Variants in MAP2 observed in about 807,000 individuals in gnomAD.
MAP2 encodes microtubule associated protein 2, also known as microtubule-associated protein 2.
A neutral mutation model predicts 137.6 loss-of-function variants in MAP2; 14 were observed. The observed-to-expected ratio is 0.10, with a 90% CI of 0.07 to 0.16. MAP2 has a LOEUF of 0.16. Among genes scored for constraint, MAP2 ranks in the 10% least tolerant of loss-of-function variants. The pLI, the probability that MAP2 is intolerant of heterozygous loss-of-function variation, is 1.00. For missense variants in MAP2, 2,088 were observed against 2,191.5 expected (o/e 0.95, Z 0.94); for synonymous variants, 786 against 782.3 (o/e 1.00, Z -0.08).
chr2:209,643,385 C>A (rs1419879682), intron 4 of MAP2, among the ~76,000 whole-genome samples: 1 of 152,102 alleles, frequency 6.6e-6, no homozygotes, highest in East Asian at 1.9e-4. Context: ...AGGGAAAGTT[C>A]TATTCTTCTT....
At chr2:209,620,437 G>T (rs1206807290) in intron 3 of MAP2, among the ~76,000 whole-genome samples, 1 of 152,144 alleles carries the variant, frequency 6.6e-6, no homozygotes, top group Non-Finnish European at 1.5e-5. Context: ...ATTATATTTT[G>T]AAATAAGTTT....
chr2:209,575,055 T>C (rs2153382238), intron 2 of MAP2, among the ~76,000 whole-genome samples: 1 of 152,322 alleles, frequency 6.6e-6, no homozygotes, highest in Admixed American at 6.5e-5. Context: ...TTTAGCACAT[T>C]TTAATACCAA....
At chr2:209,632,419 C>A (rs2093166855) in intron 4 of MAP2, among the ~76,000 whole-genome samples, 1 of 151,958 alleles carries the variant, frequency 6.6e-6, no homozygotes. Context: ...TATCATGAAC[C>A]AAGGTTGTTA....
At chr2:209,490,708 C>T (rs1394831458) in intron 1 of MAP2, among the ~76,000 whole-genome samples, 1 of 147,290 alleles carries the variant, frequency 6.8e-6, no homozygotes, top group Admixed American at 6.9e-5. Context: ...CAAAGAAGGA[C>T]ATTACGTAAT....
In MAP2 at chr2:209,693,705, T is replaced by C. The variant is rs746123984; in HGVS notation, c.1535T>C (p.Met512Thr). Residue 512 changes from methionine to threonine, a missense_variant, in exon 8 of 16, where the codon ATG becomes ACG. By Grantham distance (81) the Met-to-Thr change is moderately conservative. Coordinates refer to ENST00000682079, the MANE Select transcript of MAP2 (RefSeq NM_001375505.1). The part of the protein sequence containing the change: ...SLEQAVTDSA[M>T]TSKTLEKAMT... ...GAGCAAGCAGTTACAGATTCAGCCATGACCTCTAAAACACTGGAGAAAGCC... is the reference window on the plus strand; with the variant it reads ...GAGCAAGCAGTTACAGATTCAGCCACGACCTCTAAAACACTGGAGAAAGCC... 179 of 1,613,380 alleles carry C rather than the reference T, an allele frequency of 1.1e-4. No individual in the cohort carries two copies. The highest frequency in any genetic ancestry group is 1.4e-4 in the Non-Finnish European group (169 of 1,179,884).
intron 5 of MAP2, among the ~76,000 whole-genome samples, chr2:209,669,310 T>G (rs780513638): frequency 6.6e-6 from 1 of 152,082 alleles, no homozygotes; most frequent in Non-Finnish European, 1.5e-5. Context: ...CTGATGTATT[T>G]TGAACAAAGT....
intron 2 of MAP2, among the ~76,000 whole-genome samples, chr2:209,530,811 CA>C (rs774222335): frequency 3.9e-5 from 6 of 152,110 alleles, no homozygotes; most frequent in Non-Finnish European, 5.9e-5. Context: ...CTCCAGGTCA[CA>C]TAGATAATAA....
chr2:209,501,467 G>C (rs1447413862), intron 1 of MAP2, among the ~76,000 whole-genome samples: 2 of 152,104 alleles, frequency 1.3e-5, no homozygotes, highest in Non-Finnish European at 2.9e-5. Context: ...TGTGGCAAGG[G>C]GGAAGAAGAG....
chr2:209,527,488 G>T (rs1402001149), intron 2 of MAP2, among the ~76,000 whole-genome samples: 1 of 152,028 alleles, frequency 6.6e-6, no homozygotes, highest in Non-Finnish European at 1.5e-5. Flanking sequence ...CCTCGCAGCC[G>T]TGTACTCCGC....
At chr2:209,552,877 A>G (rs978533000) in intron 2 of MAP2, among the ~76,000 whole-genome samples, 1 of 152,152 alleles carries the variant, frequency 6.6e-6, no homozygotes, top group African/African-American at 2.4e-5. Context: ...AAAAGAAAAA[A>G]GAAAAATACT....
intron 1 of MAP2, among the ~76,000 whole-genome samples, chr2:209,431,415 A>C (rs992800066): frequency 7.9e-5 from 12 of 152,174 alleles, no homozygotes; most frequent in African/African-American, 2.4e-4. Context: ...ATTATTTTTT[A>C]CATTTACAAA....
chr2:209,444,420 T>C (rs1698552859), intron 1 of MAP2, among the ~76,000 whole-genome samples: 2 of 151,602 alleles, frequency 1.3e-5, no homozygotes, highest in Admixed American at 1.3e-4. Context: ...ATTAAAAGTC[T>C]TGTATGACAA....
At chr2:209,456,838 A>G (rs1390854702) in intron 1 of MAP2, among the ~76,000 whole-genome samples, 6 of 152,352 alleles carry the variant, frequency 3.9e-5, no homozygotes, top group Non-Finnish European at 5.9e-5. Flanking sequence ...CTCCATGTAA[A>G]TCACATTCAA....
At position 209,692,920 on chromosome 2, in the gene MAP2, T is replaced by C. The variant is rs748335580; in HGVS notation, c.750T>C (p.Ile250=). 2.5e-6 allele frequency: 4 copies of C among 1,614,126 alleles called. No homozygotes were observed. Among genetic ancestry groups the C allele is most frequent in the Non-Finnish European group, 3.4e-6 (4 of 1,179,992 alleles). ...AACCAAGCCTTGTAGTACCTGGCAT[T>C]GACCTCCCTAAAGAGCCTCCAACTC... ...KTEPSLVVPG[I]DLPKEPPTPK... is the part of the protein sequence containing the mutation. The change falls in exon 8 of 16, where the codon ATT becomes ATC. Residue 250 remains isoleucine, a synonymous_variant. Transcript: ENST00000682079.
chr2:209,506,005 T>G (rs1381126221), intron 1 of MAP2, among the ~76,000 whole-genome samples: 1 of 151,872 alleles, frequency 6.6e-6, no homozygotes, highest in Non-Finnish European at 1.5e-5. Flanking sequence ...AGAAAACATT[T>G]CACCATTCCC....
At chr2:209,489,480 A>G (rs2058805466) in intron 1 of MAP2, among the ~76,000 whole-genome samples, 1 of 152,188 alleles carries the variant, frequency 6.6e-6, no homozygotes, top group Non-Finnish European at 1.5e-5. Context: ...AAGGTGGGTA[A>G]TAGCAAACTC....
At chr2:209,628,428 G>A (rs930036623) in intron 4 of MAP2, among the ~76,000 whole-genome samples, 2 of 152,112 alleles carry the variant, frequency 1.3e-5, no homozygotes, top group African/African-American at 4.8e-5. Context: ...ATCTCTTTAA[G>A]ACTCAGAGTA....
chr2:209,427,112 A>G (rs1357496419), intron 1 of MAP2, among the ~76,000 whole-genome samples: 2 of 152,214 alleles, frequency 1.3e-5, no homozygotes, highest in East Asian at 1.9e-4. Flanking sequence ...GAGACTGACC[A>G]TATGAAACTG....
intron 14 of MAP2, among the ~76,000 whole-genome samples, chr2:209,726,714 T>C (rs1289037377): frequency 6.6e-6 from 1 of 152,170 alleles, no homozygotes; most frequent in African/African-American, 2.4e-5. Flanking sequence ...CAGCAAGCTA[T>C]GATCACACCA....
Sources: gnomAD v4.1 joint callset for allele counts (sites outside exome capture counted in the v4.1 genomes callset) on GRCh38, gnomAD v4.1.1 for gene constraint, MANE v1.5 for transcripts, NCBI Gene and HGNC (gene_info 2026-07-23, HGNC 2026-07-21) for gene names.